RAB6B: variants seen among roughly 807,000 people sequenced by gnomAD.
The protein encoded by RAB6B is ras-related protein Rab-6B.
In RAB6B, 7 loss-of-function variants were observed where a neutral mutation model predicts 31.2. That is an observed-to-expected ratio of 0.22 (90% CI 0.13 to 0.42). The LOEUF (loss-of-function observed/expected upper bound fraction) is 0.42. Among genes scored for constraint, RAB6B ranks in the 10% least tolerant of loss-of-function variants. The pLI is 1.00. For missense variants in RAB6B, 149 were observed against 280.6 expected (o/e 0.53, Z 3.35); for synonymous variants, 105 against 104.9 (o/e 1.00, Z -0.01).
chr3:133,844,017 C>T (rs770728279), intron 2 of RAB6B, among the ~76,000 whole-genome samples: 8 of 152,174 alleles, frequency 5.3e-5, no homozygotes, highest in Admixed American at 3.9e-4. Context: ...CATGGAGAAA[C>T]GTATCTCTCA....
At position 133,827,746 on chromosome 3, in the gene RAB6B, A is replaced by ACCACCCCCC. The variant is rs1559896922; in HGVS notation, c.*1041_*1042insGGGGGGTGG. ...TCAAGGTGGTGGTTCTGCAGACAAC[A>ACCACCCCCC]CCCCCCCCCCCCCCCGCCTCCCCAT... On this transcript the variant is annotated 3_prime_UTR_variant, in exon 8 of 8. Coordinates refer to ENST00000285208, the MANE Select transcript of RAB6B (RefSeq NM_016577.4). The ACCACCCCCC allele has an allele frequency of 4.1e-5, 3 of 73,662 alleles. No homozygotes were observed. Among genetic ancestry groups the ACCACCCCCC allele is most frequent in the Non-Finnish European group, 8.0e-5 (3 of 37,492 alleles). 4.6% of individuals were successfully genotyped at this position (73,662 alleles called of 1,614,324 possible).
chr3:133,851,443 G>C (rs1255745878), intron 2 of RAB6B, among the ~76,000 whole-genome samples: 1 of 152,348 alleles, frequency 6.6e-6, no homozygotes, highest in East Asian at 1.9e-4. Flanking sequence ...CCATGTAGCT[G>C]GGGCTTTAGA....
chr3:133,890,981 G>C (rs958589754), intron 1 of RAB6B, among the ~76,000 whole-genome samples: 8 of 152,228 alleles, frequency 5.3e-5, no homozygotes, highest in African/African-American at 1.9e-4. Flanking sequence ...GCCCAGGGGA[G>C]CAGGAGTGGA....
intron 1 of RAB6B, among the ~76,000 whole-genome samples, chr3:133,868,782 A>G (rs891164082): frequency 5.9e-5 from 9 of 152,206 alleles, no homozygotes; most frequent in Admixed American, 3.3e-4. Context: ...TGCTAGAAAG[A>G]AGGAGAGGAA....
At chr3:133,851,013 T>A in intron 2 of RAB6B, among the ~76,000 whole-genome samples, 1 of 141,414 alleles carries the variant, frequency 7.1e-6, no homozygotes, top group Non-Finnish European at 1.5e-5. Context: ...AATAAAAGTG[T>A]TCAAGAAAAA....
intron 1 of RAB6B, among the ~76,000 whole-genome samples, chr3:133,877,168 G>A (rs1175874448): frequency 6.6e-6 from 1 of 152,224 alleles, no homozygotes; most frequent in Non-Finnish European, 1.5e-5. Flanking sequence ...AGGTTGAAAG[G>A]ATAGGGCTGA....
chr3:133,837,698 A>G (rs890777541), intron 6 of RAB6B, among the ~76,000 whole-genome samples: 1 of 152,124 alleles, frequency 6.6e-6, no homozygotes, highest in African/African-American at 2.4e-5. Flanking sequence ...GTGAGTTCCA[A>G]CCACATCATG....
At chr3:133,842,405 G>A (rs531052230) in intron 2 of RAB6B, among the ~76,000 whole-genome samples, 2 of 152,352 alleles carry the variant, frequency 1.3e-5, no homozygotes, top group South Asian at 4.1e-4. Flanking sequence ...GGCCTCACAG[G>A]CACCCGGTAC....
In RAB6B at chr3:133,847,074, G is replaced by A. The variant is rs1015923057; in HGVS notation, c.130-5411C>T. ...AAACACGCTACTTGTCCTTGATTGC[G>A]TCCTATCACAGTAACAATGACATCC... On this transcript the variant is annotated intron_variant, in intron 2 of 7. Transcript: ENST00000285208. Among the ~76,000 whole-genome samples the A allele has an allele frequency of 5.3e-5, 8 of 152,200 alleles. No homozygotes were observed. In the South Asian group the frequency reaches 6.2e-4, roughly 12 times the overall value.
intron 2 of RAB6B, among the ~76,000 whole-genome samples, chr3:133,850,627 A>T (rs939100994): frequency 6.6e-6 from 1 of 152,184 alleles, no homozygotes; most frequent in Non-Finnish European, 1.5e-5. Context: ...GGAAGCATAA[A>T]GAGAAAAAAA....
intron 2 of RAB6B, among the ~76,000 whole-genome samples, chr3:133,842,862 A>G (rs1935856645): frequency 6.6e-6 from 1 of 152,232 alleles, no homozygotes; most frequent in African/African-American, 2.4e-5. Context: ...TAACAGTACT[A>G]AAATTAGAAA....
chr3:133,891,926 T>A (rs551972343), intron 1 of RAB6B, among the ~76,000 whole-genome samples: 319 of 152,270 alleles, frequency 2.1e-3, no homozygotes, highest in Non-Finnish European at 3.7e-3. Flanking sequence ...GTCTTCCTGC[T>A]TTTGCTGGAA....
chr3:133,895,541 A>T lies in RAB6B; in HGVS notation c.-75T>A. The T allele has an allele frequency of 6.7e-7, 1 of 1,492,132 alleles. No individual in the cohort carries two copies. Among genetic ancestry groups the T allele is most frequent in the Non-Finnish European group, 9.2e-7 (1 of 1,081,934 alleles). 92.4% of individuals were successfully genotyped at this position (1,492,132 alleles called of 1,614,324 possible). On this transcript the variant is annotated 5_prime_UTR_variant, in exon 1 of 8. Coordinates refer to ENST00000285208, the MANE Select transcript of RAB6B (RefSeq NM_016577.4). ...GCAGGGAGGGGAGAGTAGGAGGGCGAGGGGAGGCGGCCGGCGGTGCGGGAG... is the reference window on the plus strand; with the variant it reads ...GCAGGGAGGGGAGAGTAGGAGGGCGTGGGGAGGCGGCCGGCGGTGCGGGAG...
chr3:133,887,259 T>C (rs982140556), intron 1 of RAB6B, among the ~76,000 whole-genome samples: 8 of 152,196 alleles, frequency 5.3e-5, no homozygotes, highest in African/African-American at 1.7e-4. Context: ...AAGTGCAGGA[T>C]AGCCCCATCC....
chr3:133,827,774 C>A lies in RAB6B; in HGVS notation c.*1014G>T. On this transcript the variant is annotated 3_prime_UTR_variant, in exon 8 of 8. Transcript: ENST00000285208. ...CCCCCCCCCCCCCGCCTCCCCATCA[C>A]AGAGGATCAACTCCAGGTGGTCCAG... 5.6e-6 allele frequency: 1 copy of A among 177,142 alleles called. No homozygotes were observed. Among genetic ancestry groups the A allele is most frequent in the Non-Finnish European group, 1.1e-5 (1 of 87,356 alleles). The allele number at this position is 177,142 out of a possible 1,614,324, so 11.0% of individuals were successfully genotyped here.
intron 2 of RAB6B, among the ~76,000 whole-genome samples, chr3:133,853,465 G>A (rs139529052): frequency 3.6e-4 from 55 of 151,532 alleles, no homozygotes; most frequent in African/African-American, 1.3e-3. Flanking sequence ...GGGAGCATAT[G>A]TCTGCCGGCA....
Position 133,828,802 on chromosome 3 carries a change from C to G in RAB6B, c.613G>C (p.Gly205Arg), listed in dbSNP as rs761317503. 1.7e-5 allele frequency: 27 copies of G among 1,612,346 alleles called. No individual in the cohort carries two copies. The highest frequency in any genetic ancestry group is 2.2e-5 in the Non-Finnish European group (26 of 1,178,958). ...TCGGCTCTGCATTAGCAGGAGCAGC[C>G]GCCCTCGCTGGCCGGGGGCTCCTGG... ...KPQEPPASEGGCSC is the reference protein window; with the variant it reads ...KPQEPPASEGRCSC The change falls in exon 8 of 8, where the codon GGC becomes CGC. Residue 205 changes from glycine (G) to arginine (R), a missense_variant. This residue lies in a region of RAB6B where 74 missense variants were observed against 100.5 expected (regional missense o/e 0.74). Transcript: ENST00000285208.
At chr3:133,870,693 T>G (rs1175912312) in intron 1 of RAB6B, among the ~76,000 whole-genome samples, 2 of 152,356 alleles carry the variant, frequency 1.3e-5, no homozygotes, top group South Asian at 4.1e-4. Context: ...TTCTTCATAA[T>G]TGTCAGAGCA....
chr3:133,866,594 ACTT>A (rs561651897), intron 1 of RAB6B, among the ~76,000 whole-genome samples: 21 of 152,276 alleles, frequency 1.4e-4, no homozygotes, highest in African/African-American at 3.9e-4. Context: ...CCTTTTCTAA[ACTT>A]CTGATAGAAA....
Sources: allele counts gnomAD v4.1 joint callset (sites outside exome capture counted in the v4.1 genomes callset), GRCh38; gene constraint gnomAD v4.1.1; regional missense constraint gnomAD v4.1.1; transcripts MANE v1.5; gene names NCBI Gene and HGNC (gene_info 2026-07-23, HGNC 2026-07-21).